Variants in DLG2 observed in about 807,000 individuals in gnomAD.
DLG2 encodes the protein disks large homolog 2.
Under a neutral mutation model 132.5 loss-of-function variants are expected in DLG2, and 45 were observed. The ratio of observed to expected loss-of-function variants is 0.34; its 90% CI spans 0.27 to 0.44. DLG2 has a LOEUF of 0.44. Among genes scored for constraint, DLG2 ranks in the 20% least tolerant of loss-of-function variants. DLG2 has a pLI of 1.00. For synonymous variants in DLG2, 424 were observed against 419.6 expected, an observed-to-expected ratio of 1.01 and a Z score of -0.13; for missense variants, 1,045 against 1,196.9, an observed-to-expected ratio of 0.87 and a Z score of 1.87.
intron 15 of DLG2, among the ~76,000 whole-genome samples, chr11:83,911,490 T>TA (rs2076041593): frequency 6.6e-6 from 1 of 152,082 alleles, no homozygotes; most frequent in Admixed American, 6.6e-5. Flanking sequence ...TATTTTTTAA[T>TA]GTGTGGGATT....
intron 6 of DLG2, among the ~76,000 whole-genome samples, chr11:84,875,314 T>A (rs763036723): frequency 2.0e-5 from 3 of 151,956 alleles, no homozygotes; most frequent in Non-Finnish European, 4.4e-5. Context: ...AGATACAAAT[T>A]TGGGGTAAAA....
chr11:85,227,738 C>A (rs1427793849), intron 4 of DLG2, among the ~76,000 whole-genome samples: 1 of 152,082 alleles, frequency 6.6e-6, no homozygotes, highest in Non-Finnish European at 1.5e-5. Flanking sequence ...AATCCAAGTC[C>A]ATTTGGAAGC....
At chr11:85,187,612 A>G (rs149873437) in intron 4 of DLG2, among the ~76,000 whole-genome samples, 1 of 152,272 alleles carries the variant, frequency 6.6e-6, no homozygotes, top group East Asian at 1.9e-4. Flanking sequence ...TTCATGAAAA[A>G]CTACTCAACT....
chr11:84,681,740 C>T (rs79463508), intron 6 of DLG2, among the ~76,000 whole-genome samples: 37 of 152,042 alleles, frequency 2.4e-4, no homozygotes, highest in African/African-American at 6.5e-4. Context: ...ATTAAAGTCA[C>T]GCCCCTGCTG....
At chr11:84,948,076 C>A (rs1419511568) in intron 6 of DLG2, among the ~76,000 whole-genome samples, 1 of 152,154 alleles carries the variant, frequency 6.6e-6, no homozygotes, top group African/African-American at 2.4e-5. Flanking sequence ...GATGGAATTT[C>A]TAGCTTTAGT....
intron 3 of DLG2, among the ~76,000 whole-genome samples, chr11:85,384,836 T>C (rs1046873017): frequency 6.6e-6 from 1 of 152,192 alleles, no homozygotes; most frequent in Non-Finnish European, 1.5e-5. Flanking sequence ...CCTCCAAAAG[T>C]GCTGGGATTA....
At chr11:84,535,058 G>A (rs939920128) in intron 6 of DLG2, among the ~76,000 whole-genome samples, 1 of 152,190 alleles carries the variant, frequency 6.6e-6, no homozygotes, top group African/African-American at 2.4e-5. Flanking sequence ...TAACCCTCCT[G>A]ACCAGAGTAG....
intron 6 of DLG2, among the ~76,000 whole-genome samples, chr11:84,756,889 T>C (rs2066955806): frequency 6.6e-6 from 1 of 152,128 alleles, no homozygotes; most frequent in South Asian, 2.1e-4. Flanking sequence ...TAATTTCCCC[T>C]AAACTGGATA....
chr11:84,779,844 G>A (rs1326582878), intron 6 of DLG2, among the ~76,000 whole-genome samples: 1 of 150,862 alleles, frequency 6.6e-6, no homozygotes, highest in Non-Finnish European at 1.5e-5. Flanking sequence ...TAGAAAATCT[G>A]AACAGATCAA....
intron 6 of DLG2, among the ~76,000 whole-genome samples, chr11:84,661,336 G>A (rs1448735190): frequency 1.3e-5 from 2 of 152,146 alleles, no homozygotes; most frequent in African/African-American, 4.8e-5. Flanking sequence ...AGTCTCAAAT[G>A]TAGCAATATA....
chr11:84,953,932 G>A lies in DLG2; in HGVS notation c.357+157729C>T, dbSNP rs559378240. On this transcript the variant is annotated intron_variant, in intron 6 of 27. Coordinates refer to ENST00000376104, the MANE Select transcript of DLG2 (RefSeq NM_001142699.3). ...AATTTTCCCTCACCTCTGGGCCTTA[G>A]TATGCTAAGGTGTGCCTTAGTATAT... 2.0e-5 allele frequency among the ~76,000 whole-genome samples: 3 copies of A among 152,190 alleles called. No individual in the cohort carries two copies. The South Asian group carries it at 6.2e-4, about 32-fold the overall frequency.
intron 6 of DLG2, among the ~76,000 whole-genome samples, chr11:84,589,743 T>C (rs1442922698): frequency 6.6e-6 from 1 of 152,216 alleles, no homozygotes. Flanking sequence ...CATGTCTTAA[T>C]CATCTCTGTC....
chr11:84,103,638 C>T (rs1048358759), intron 9 of DLG2, among the ~76,000 whole-genome samples: 1 of 152,108 alleles, frequency 6.6e-6, no homozygotes, highest in South Asian at 2.1e-4. Context: ...CCCACGAGCA[C>T]AAACCCATTT....
rs186179591 is a variant in DLG2 at position 83,655,036 on chromosome 11, T to A, written c.1826-21711A>T. Among the ~76,000 whole-genome samples, 10 of 152,324 alleles carry A rather than the reference T, an allele frequency of 6.6e-5. No individual in the cohort carries two copies. In the East Asian group the frequency reaches 1.9e-3, roughly 29 times the overall value. On this transcript the variant is annotated intron_variant, in intron 18 of 27. Coordinates refer to ENST00000376104, the MANE Select transcript of DLG2 (RefSeq NM_001142699.3). Reference sequence around the variant, plus strand: ...TGGTTGTCTTCATGCCCAGGTGGCATGAAGTAGACGCTTAATAAATGAGGT... The same window carrying A: ...TGGTTGTCTTCATGCCCAGGTGGCAAGAAGTAGACGCTTAATAAATGAGGT...
At chr11:83,514,580 G>C (rs1250237546) in intron 21 of DLG2, among the ~76,000 whole-genome samples, 4 of 152,180 alleles carry the variant, frequency 2.6e-5, no homozygotes, top group Non-Finnish European at 1.5e-5. Flanking sequence ...AATAGGAGTG[G>C]TGAGAGAAGA....
intron 6 of DLG2, among the ~76,000 whole-genome samples, chr11:84,671,829 A>G (rs1407396188): frequency 6.6e-6 from 1 of 152,142 alleles, no homozygotes; most frequent in Non-Finnish European, 1.5e-5. Context: ...AACTAAGTAA[A>G]GGACAGCTGG....
chr11:85,313,824 C>T (rs966510090), intron 3 of DLG2, among the ~76,000 whole-genome samples: 2 of 151,866 alleles, frequency 1.3e-5, no homozygotes, highest in Non-Finnish European at 2.9e-5. Flanking sequence ...TGCACTCCTA[C>T]TGAGATAATA....
intron 7 of DLG2, among the ~76,000 whole-genome samples, chr11:84,406,258 G>A (rs2098848897): frequency 6.6e-6 from 1 of 152,016 alleles, no homozygotes; most frequent in Admixed American, 6.6e-5. Flanking sequence ...CCCTTGCCCT[G>A]CCTATCTACC....
intron 3 of DLG2, among the ~76,000 whole-genome samples, chr11:85,582,660 C>A (rs1221322071): frequency 3.7e-5 from 1 of 27,122 alleles, no homozygotes; most frequent in Non-Finnish European, 7.2e-5. Flanking sequence ...CCCATCTCTA[C>A]AAAAAAAAAA....
Sources: gnomAD v4.1 joint callset for allele counts (sites outside exome capture counted in the v4.1 genomes callset) on GRCh38, gnomAD v4.1.1 for gene constraint, MANE v1.5 for transcripts, NCBI Gene and HGNC (gene_info 2026-07-23, HGNC 2026-07-21) for gene names.